Variants in RPS6KA3 observed in about 807,000 individuals in gnomAD.
The protein encoded by RPS6KA3 is ribosomal protein S6 kinase alpha-3.
RPS6KA3 carries 4 observed loss-of-function variants against 67.2 expected under a neutral mutation model. The observed-to-expected ratio is 0.06, with a 90% CI of 0.03 to 0.14. The LOEUF is 0.14. Ranked by LOEUF, RPS6KA3 falls within the 10% of genes least tolerant of loss-of-function variation. The pLI is 1.00. For synonymous variants in RPS6KA3, 182 were observed against 183.7 expected (o/e 0.99, Z 0.07); for missense variants, 204 against 559.0 (o/e 0.36, Z 6.40).
At chrX:20,159,092 C>T (rs775173780) in intron 20 of RPS6KA3, among the ~76,000 whole-genome samples, 42 of 112,229 alleles carry the variant, frequency 3.7e-4, no homozygotes, top group Non-Finnish European at 6.6e-4. Flanking sequence ...GGACTACATA[C>T]ATTATAACTG....
intron 1 of RPS6KA3, among the ~76,000 whole-genome samples, chrX:20,257,588 T>C (rs2070108390): frequency 8.9e-6 from 1 of 112,272 alleles, no homozygotes; most frequent in Non-Finnish European, 1.9e-5. Context: ...TCTCTAAAAT[T>C]ATATGCTAAA....
intron 1 of RPS6KA3, 114 bp downstream of exon 1, chrX:20,266,450 G>T: frequency 1.6e-6 from 1 of 618,158 alleles, no homozygotes; most frequent in Non-Finnish European, 2.5e-6. Context: ...TGAGCCCGGG[G>T]GAAAGACGCG....
intron 3 of RPS6KA3, among the ~76,000 whole-genome samples, chrX:20,205,818 G>A (rs1217997924): frequency 8.9e-6 from 1 of 112,196 alleles, no homozygotes; most frequent in Non-Finnish European, 1.9e-5. Flanking sequence ...AATTCTCCTG[G>A]TGAATTCCAA....
At chrX:20,226,920 TA>T (rs1475565740) in intron 2 of RPS6KA3, among the ~76,000 whole-genome samples, 1 of 112,486 alleles carries the variant, frequency 8.9e-6, no homozygotes, top group Non-Finnish European at 1.9e-5. Flanking sequence ...TTACAATTAT[TA>T]TGACTATGTA....
rs181291597 is a variant in RPS6KA3, at chrX:20,189,763, T to A, written c.594-1229A>T. ...TATAGGCATTTCCTTACTTTTATTT[T>A]AACTAAAAATGTGCAAGTCAAACTT... On this transcript the variant is annotated intron_variant, in intron 7 of 21. Coordinates refer to ENST00000379565, the MANE Select transcript of RPS6KA3 (RefSeq NM_004586.3). 2.5e-4 allele frequency among the ~76,000 whole-genome samples: 28 copies of A among 112,496 alleles called. No homozygotes were observed. The Admixed American group carries it at 2.5e-3, about 10-fold the overall frequency.
intron 7 of RPS6KA3, among the ~76,000 whole-genome samples, chrX:20,192,592 CTTTTTTTT>C (rs1159974637): frequency 2.0e-4 from 9 of 45,415 alleles, no homozygotes; most frequent in African/African-American, 5.9e-4. Context: ...TGTAAATTTT[CTTTTTTTT>C]TTTTTTTTTT....
Position 20,235,547 on chromosome X carries a change from T to C in RPS6KA3, c.70-733A>G, listed in dbSNP as rs182748689. On this transcript the variant is annotated intron_variant, in intron 1 of 21. Coordinates refer to ENST00000379565, the MANE Select transcript of RPS6KA3 (RefSeq NM_004586.3). Reference sequence around the variant, plus strand: ...AAATGAGCAATAAGGGAAAAAAGAGTTCAGCCTTAGTACTCATCAAAGAAA... The same window carrying C: ...AAATGAGCAATAAGGGAAAAAAGAGCTCAGCCTTAGTACTCATCAAAGAAA... The C allele has an allele frequency of 2.2e-4, 24 of 108,630 alleles. No homozygotes were observed. The Admixed American group carries it at 2.2e-3, about 10-fold the overall frequency. The allele number at this position is 108,630 out of a possible 1,213,427, so 9.0% of individuals were successfully genotyped here.
At chrX:20,240,925 G>A (rs777705728) in intron 1 of RPS6KA3, among the ~76,000 whole-genome samples, 9 of 111,041 alleles carry the variant, frequency 8.1e-5, no homozygotes, top group Admixed American at 1.9e-4. Context: ...CTTATCAGTC[G>A]TTACCTGGGT....
intron 2 of RPS6KA3, among the ~76,000 whole-genome samples, chrX:20,233,979 T>C (rs1269328444): frequency 1.8e-5 from 2 of 112,127 alleles, no homozygotes; most frequent in African/African-American, 3.2e-5. Flanking sequence ...ATTAATTCAT[T>C]TATGTAATAT....
intron 3 of RPS6KA3, among the ~76,000 whole-genome samples, chrX:20,208,468 C>T (rs2068627665): frequency 9.0e-6 from 1 of 111,614 alleles, no homozygotes; most frequent in African/African-American, 3.3e-5. Context: ...GTAATCCCAG[C>T]ATTTTGGGAG....
intron 3 of RPS6KA3, 92 bp from the exon 4 acceptor site, chrX:20,204,195 A>G: frequency 1.8e-6 from 1 of 544,245 alleles, no homozygotes. Context: ...GTTTATTATT[A>G]TAATATAGAT....
chrX:20,257,687 A>G (rs1274592612), intron 1 of RPS6KA3, among the ~76,000 whole-genome samples: 1 of 112,613 alleles, frequency 8.9e-6, no homozygotes, highest in African/African-American at 3.2e-5. Flanking sequence ...CACAATATTT[A>G]AACAAATTAC....
At chrX:20,245,222 C>T (rs368854875) in intron 1 of RPS6KA3, among the ~76,000 whole-genome samples, 1 of 111,831 alleles carries the variant, frequency 8.9e-6, no homozygotes, top group Non-Finnish European at 1.9e-5. Context: ...GAAAGTTTTA[C>T]GATCTTCTAT....
intron 17 of RPS6KA3, among the ~76,000 whole-genome samples, chrX:20,166,838 C>T (rs1483436010): frequency 9.2e-6 from 1 of 108,673 alleles, no homozygotes; most frequent in African/African-American, 3.4e-5. Context: ...CTGCCTCAGC[C>T]TTCTGAGTAG....
intron 1 of RPS6KA3, among the ~76,000 whole-genome samples, chrX:20,244,644 AAATTC>A (rs2069638114): frequency 8.9e-6 from 1 of 112,454 alleles, no homozygotes; most frequent in Non-Finnish European, 1.9e-5. Context: ...TAAGATAATT[AAATTC>A]AAGTTCAAAT....
chrX:20,209,824 A>G (rs1026475805), intron 2 of RPS6KA3, among the ~76,000 whole-genome samples: 4 of 112,298 alleles, frequency 3.6e-5, no homozygotes, highest in African/African-American at 1.3e-4. Context: ...GCTACGCAGA[A>G]CTAATGCTAT....
At chrX:20,247,712 G>C (rs1033468912) in intron 1 of RPS6KA3, among the ~76,000 whole-genome samples, 1 of 108,790 alleles carries the variant, frequency 9.2e-6, no homozygotes, top group East Asian at 2.9e-4. Context: ...GCATGAACCC[G>C]GGAGGTGGAG....
At chrX:20,199,536 A>G (rs2068368154) in intron 4 of RPS6KA3, among the ~76,000 whole-genome samples, 2 of 112,327 alleles carry the variant, frequency 1.8e-5, no homozygotes, top group Admixed American at 9.4e-5. Flanking sequence ...GGAAAAATAA[A>G]GAAAATTAAG....
chrX:20,262,201 T>C (rs1471078875), intron 1 of RPS6KA3, among the ~76,000 whole-genome samples: 1 of 112,000 alleles, frequency 8.9e-6, no homozygotes, highest in Non-Finnish European at 1.9e-5. Flanking sequence ...CACATGTCCC[T>C]GAGCATTGAA....
Sources: gnomAD v4.1 joint callset for allele counts (sites outside exome capture counted in the v4.1 genomes callset) on GRCh38, gnomAD v4.1.1 for gene constraint, MANE v1.5 for transcripts, NCBI Gene and HGNC (gene_info 2026-07-23, HGNC 2026-07-21) for gene names.